The following LHX8 variants were observed in gnomAD, a reference collection of about 807,000 sequenced individuals.
The protein encoded by LHX8 is LIM/homeobox protein Lhx8.
A neutral mutation model predicts 40.3 loss-of-function variants in LHX8; 12 were observed. That is an observed-to-expected ratio of 0.30 (90% confidence interval 0.19 to 0.48). LHX8 has a LOEUF of 0.48. Ranked by LOEUF, LHX8 falls within the 20% of genes least tolerant of loss-of-function variation. LHX8 has a pLI of 0.99. For missense variants in LHX8, 344 were observed against 433.7 expected (o/e 0.79, Z 1.84); for synonymous variants, 179 against 162.0 (o/e 1.10, Z -0.80).
At chr1:75,161,680 A>C (rs1414477609), downstream of LHX8, 1 of 151,940 alleles carries the variant, frequency 6.6e-6, no homozygotes, top group African/African-American at 2.4e-5. Context: ...AAAAAAAAAA[A>C]ACACAGTAAA....
chr1:75,197,891 A>G, the LHX8 span, among the ~76,000 whole-genome samples: 1 of 152,174 alleles, frequency 6.6e-6, no homozygotes, highest in Non-Finnish European at 1.5e-5. Flanking sequence ...ATGAAGATCT[A>G]TGGCCTTAAT....
the LHX8 span, among the ~76,000 whole-genome samples, chr1:75,177,622 A>G: frequency 6.6e-6 from 1 of 152,214 alleles, no homozygotes; most frequent in Non-Finnish European, 1.5e-5. Flanking sequence ...ATCGGCAAAC[A>G]GGAACAATTT....
chr1:75,153,703 C>T (rs561290440), intron 7 of LHX8, among the ~76,000 whole-genome samples: 29 of 152,294 alleles, frequency 1.9e-4, no homozygotes, highest in African/African-American at 6.5e-4. Flanking sequence ...GCCACCACGC[C>T]GGGTCTAGTT....
the LHX8 span, among the ~76,000 whole-genome samples, chr1:75,196,237 G>A: frequency 3.3e-5 from 5 of 152,072 alleles, no homozygotes; most frequent in South Asian, 2.1e-4. Context: ...AATATTCTGC[G>A]GTCTTTGCTG....
chr1:75,167,065 C>T, the LHX8 span, among the ~76,000 whole-genome samples: 1 of 152,200 alleles, frequency 6.6e-6, no homozygotes, highest in Non-Finnish European at 1.5e-5. Flanking sequence ...GAGTGGACTT[C>T]TGGCCTTTGT....
chr1:75,187,470 G>T, the LHX8 span, among the ~76,000 whole-genome samples: 15 of 152,190 alleles, frequency 9.9e-5, no homozygotes, highest in Non-Finnish European at 1.6e-4. Flanking sequence ...GGTATAGAAG[G>T]TTCAAGTTGT....
At chr1:75,141,605 T>C (rs1385708156) in intron 4 of LHX8, among the ~76,000 whole-genome samples, 3 of 152,184 alleles carry the variant, frequency 2.0e-5, no homozygotes, top group Non-Finnish European at 2.9e-5. Flanking sequence ...TTGATCATTC[T>C]GGTATAAATA....
intron 4 of LHX8, among the ~76,000 whole-genome samples, chr1:75,142,239 G>A (rs1196944683): frequency 6.6e-6 from 1 of 151,798 alleles, no homozygotes; most frequent in Non-Finnish European, 1.5e-5. Flanking sequence ...TTGTCTTTAG[G>A]ATTCTATTTT....
intron 4 of LHX8, 144 bp downstream of exon 4, chr1:75,141,250 C>T: frequency 3.6e-6 from 3 of 825,488 alleles, no homozygotes; most frequent in East Asian, 5.5e-5. Flanking sequence ...GGGTGCTTTC[C>T]TGTTTGAGAT....
the LHX8 span, among the ~76,000 whole-genome samples, chr1:75,180,812 C>G: frequency 1.3e-5 from 2 of 152,180 alleles, no homozygotes; most frequent in Non-Finnish European, 1.5e-5. Flanking sequence ...TCTGGTTTCT[C>G]CCCATCTTTG....
At chr1:75,149,324 G>A (rs529734624) in intron 7 of LHX8, among the ~76,000 whole-genome samples, 1 of 152,342 alleles carries the variant, frequency 6.6e-6, no homozygotes, top group South Asian at 2.1e-4. Context: ...AGAGGCCTGT[G>A]AATGCAGAGT....
At chr1:75,148,718 T>TA (rs776879249) in intron 7 of LHX8, 36 bp downstream of exon 7, 23 of 1,435,414 alleles carry the variant, frequency 1.6e-5, no homozygotes, top group Admixed American at 3.4e-5. Context: ...TTAAGGTTTT[T>TA]AAAAAATAGA....
At chr1:75,140,117 T>C (rs1648272182) in intron 3 of LHX8, among the ~76,000 whole-genome samples, 1 of 152,226 alleles carries the variant, frequency 6.6e-6, no homozygotes, top group Admixed American at 6.5e-5. Context: ...GCTAAAGTTG[T>C]AGCGCTTGTA....
upstream of LHX8, among the ~76,000 whole-genome samples, chr1:75,134,268 G>A (rs1648054373): frequency 6.6e-6 from 1 of 151,862 alleles, no homozygotes; most frequent in South Asian, 2.1e-4. Context: ...TGAAAGAGGC[G>A]AAGCAATTTC....
the LHX8 span, among the ~76,000 whole-genome samples, chr1:75,193,569 C>T: frequency 6.2e-3 from 937 of 152,298 alleles, 12 homozygotes; most frequent in African/African-American, 0.021. Flanking sequence ...CCGTTTTAAT[C>T]TAATTTTCGG....
intron 4 of LHX8, among the ~76,000 whole-genome samples, chr1:75,141,612 A>G (rs1341101126): frequency 6.6e-6 from 1 of 152,124 alleles, no homozygotes; most frequent in Admixed American, 6.6e-5. Context: ...TTCTGGTATA[A>G]ATACACCAAA....
chr1:75,183,228 G>A, the LHX8 span: 2 of 152,116 alleles, frequency 1.3e-5, no homozygotes, highest in African/African-American at 2.4e-5. Context: ...TGAAAACATC[G>A]CCAACCTCTC....
Position 75,143,326 on chromosome 1 carries a change from G to C in LHX8, c.568G>C (p.Glu190Gln). ...YDCMLDNLKR[E>Q]VENGNGISVE... The stretch of plus-strand genomic sequence containing the variant: ...CTGCATGCTGGATAATTTAAAAAGA[G>C]AAGTAGAAAATGGTAAATATGTACT... Residue 190 changes from glutamate to glutamine, a missense_variant, in exon 5 of 9, where the codon GAA (glutamate) becomes CAA (glutamine). Around this residue, in one of 3 missense-constraint regions of LHX8, gnomAD observed 147 missense variants for 250.8 expected, o/e 0.59. Coordinates refer to ENST00000356261, the MANE Select transcript of LHX8 (RefSeq NM_001256114.2). 1 of 1,609,088 alleles carries C rather than the reference G, an allele frequency of 6.2e-7. No individual in the cohort carries two copies. The highest frequency in any genetic ancestry group is 1.1e-5 in the South Asian group (1 of 90,942).
At chr1:75,143,981 GC>G (rs1570291876) in intron 6 of LHX8, 33 bp downstream of exon 6, 1 of 1,570,638 alleles carries the variant, frequency 6.4e-7, no homozygotes, top group East Asian at 2.2e-5. Flanking sequence ...TATTTTTGAA[GC>G]CCCTCCCAAC....
Sources: gnomAD v4.1 joint callset for allele counts (sites outside exome capture counted in the v4.1 genomes callset) on GRCh38, gnomAD v4.1.1 for gene constraint, gnomAD v4.1.1 regional missense constraint, MANE v1.5 for transcripts, NCBI Gene and HGNC (gene_info 2026-07-23, HGNC 2026-07-21) for gene names.